DIS3L2: variants seen among roughly 807,000 people sequenced by gnomAD.
DIS3L2 encodes DIS3 like 3'-5' exoribonuclease 2.
DIS3L2 carries 34 observed loss-of-function variants against 97.5 expected under a neutral mutation model. The observed-to-expected ratio is 0.35, with a 90% CI of 0.27 to 0.46. DIS3L2 has a LOEUF of 0.46. Among genes scored for constraint, DIS3L2 ranks in the 20% least tolerant of loss-of-function variants. DIS3L2 has a pLI of 1.00. For synonymous variants in DIS3L2, 435 were observed against 445.2 expected, an observed-to-expected ratio of 0.98 and a Z score of 0.29; for missense variants, 1,038 against 1,146.0, an observed-to-expected ratio of 0.91 and a Z score of 1.36.
intron 5 of DIS3L2, among the ~76,000 whole-genome samples, chr2:232,054,060 A>G (rs72989625): frequency 0.011 from 1,714 of 152,332 alleles, 18 homozygotes; most frequent in Non-Finnish European, 0.016. Flanking sequence ...CAATAACAAA[A>G]GATGCTCCTC....
intron 12 of DIS3L2, among the ~76,000 whole-genome samples, chr2:232,252,926 C>A (rs936226784): frequency 6.6e-6 from 1 of 152,098 alleles, no homozygotes; most frequent in African/African-American, 2.4e-5. Context: ...CATAATGAGA[C>A]CTTGTGTGGA....
intron 13 of DIS3L2, among the ~76,000 whole-genome samples, chr2:232,271,242 G>A (rs911544090): frequency 2.0e-5 from 3 of 152,176 alleles, no homozygotes; most frequent in African/African-American, 7.2e-5. Flanking sequence ...AACCCATTGT[G>A]TTTGAAGTGG....
Position 232,333,991 on chromosome 2 carries a change from AG to A in DIS3L2, c.2158+8del. The A allele has an allele frequency of 6.3e-7, 1 of 1,579,940 alleles. No individual in the cohort carries two copies. The highest frequency in any genetic ancestry group is 8.6e-7 in the Non-Finnish European group (1 of 1,160,512). On this transcript the variant is annotated splice_donor_5th_base_variant and intron_variant, in intron 17 of 20. Coordinates refer to ENST00000325385, the MANE Select transcript of DIS3L2 (RefSeq NM_152383.5). ...CGCCTCCTGGCTGCCGCGTTAGGTG[AG>A]GGGTGCAGTCGGGGTCAGGGCAGAC...
chr2:232,100,473 A>G (rs188334374), intron 6 of DIS3L2, among the ~76,000 whole-genome samples: 6 of 151,870 alleles, frequency 4.0e-5, no homozygotes, highest in Non-Finnish European at 8.8e-5. Flanking sequence ...TAGCTTATTA[A>G]TTTTAACTTT....
chr2:232,161,965 G>C (rs1381262606), intron 8 of DIS3L2, among the ~76,000 whole-genome samples: 1 of 151,948 alleles, frequency 6.6e-6, no homozygotes, highest in Non-Finnish European at 1.5e-5. Context: ...TAGAGACGGG[G>C]TTTCACCATG....
intron 6 of DIS3L2, among the ~76,000 whole-genome samples, chr2:232,111,685 C>T (rs993586512): frequency 1.3e-5 from 2 of 152,070 alleles, no homozygotes; most frequent in Non-Finnish European, 2.9e-5. Flanking sequence ...GGTTAGTGGT[C>T]ACTTTATGAG....
rs112787903 is a variant in DIS3L2 at position 232,128,528 on chromosome 2, C to T, written c.602-2091C>T. On this transcript the variant is annotated intron_variant, in intron 6 of 20. Transcript: ENST00000325385. The stretch of plus-strand genomic sequence containing the variant: ...GGAGTGCAGTGGTGCAATCTTGGCT[C>T]ACTGCAGCCTTGAATTCCCAGGCTC... Among the ~76,000 whole-genome samples, 21 of 127,916 alleles carry T rather than the reference C, an allele frequency of 1.6e-4. 2 individuals carry two copies. The highest frequency in any genetic ancestry group is 6.2e-4 in the African/African-American group (21 of 34,062). The allele number at this position is 127,916 out of a possible 152,430, so 83.9% of individuals were successfully genotyped here.
intron 1 of DIS3L2, among the ~76,000 whole-genome samples, chr2:231,966,046 T>C (rs1175406559): frequency 2.0e-5 from 3 of 152,200 alleles, no homozygotes; most frequent in African/African-American, 7.2e-5. Context: ...TGAAATGCTA[T>C]TGAGCATGAG....
intron 16 of DIS3L2, among the ~76,000 whole-genome samples, chr2:232,332,596 C>T (rs975679369): frequency 4.6e-5 from 7 of 151,804 alleles, no homozygotes; most frequent in African/African-American, 1.7e-4. Flanking sequence ...CCAGCTGGGA[C>T]GGGCTATGCG....
At chr2:231,985,284 CTA>C (rs1454404677) in intron 1 of DIS3L2, among the ~76,000 whole-genome samples, 1 of 152,202 alleles carries the variant, frequency 6.6e-6, no homozygotes, top group Non-Finnish European at 1.5e-5. Context: ...GCACTAAACT[CTA>C]TAATTTTGTC....
At chr2:232,053,793 C>G (rs992187245) in intron 5 of DIS3L2, among the ~76,000 whole-genome samples, 1 of 152,210 alleles carries the variant, frequency 6.6e-6, no homozygotes, top group African/African-American at 2.4e-5. Context: ...CCTACCAGCA[C>G]CTCTCTGTGT....
At chr2:231,976,703 C>T (rs1003947193) in intron 1 of DIS3L2, among the ~76,000 whole-genome samples, 1 of 151,040 alleles carries the variant, frequency 6.6e-6, no homozygotes, top group Non-Finnish European at 1.5e-5. Context: ...CTTAGCTTAC[C>T]TTAAATGTGT....
intron 9 of DIS3L2, among the ~76,000 whole-genome samples, chr2:232,171,441 C>T (rs1187124199): frequency 6.6e-6 from 1 of 152,140 alleles, no homozygotes; most frequent in East Asian, 1.9e-4. Flanking sequence ...CTGTCTCATT[C>T]TTGGATTTGA....
intron 7 of DIS3L2, 197 bp downstream of exon 7, chr2:232,130,916 G>C (rs1698199770): frequency 1.3e-6 from 1 of 749,470 alleles, no homozygotes; most frequent in Non-Finnish European, 2.0e-6. Flanking sequence ...CTTTGGATAA[G>C]GGGTCAAGGC....
rs1017832202 is a variant in DIS3L2 at position 232,101,535 on chromosome 2, T to C, written c.601+13814T>C. Among the ~76,000 whole-genome samples the C allele has an allele frequency of 4.4e-4, 67 of 152,258 alleles. 1 individual carries two copies. Among genetic ancestry groups the C allele is most frequent in the Non-Finnish European group, 1.6e-4 (11 of 68,040 alleles). On this transcript the variant is annotated intron_variant, in intron 6 of 20. Transcript: ENST00000325385. ...AATTAATTCTCATTACATTAGTTAA[T>C]CCTTAGAACATACCTAGTATAGTGT...
chr2:232,019,672 G>C (rs146015137), intron 3 of DIS3L2, among the ~76,000 whole-genome samples: 254 of 151,808 alleles, frequency 1.7e-3, no homozygotes, highest in African/African-American at 5.6e-3. Context: ...AGAAGGGAGA[G>C]ATGATATTCA....
chr2:232,161,718 G>A (rs185828956), intron 8 of DIS3L2, among the ~76,000 whole-genome samples: 74 of 151,960 alleles, frequency 4.9e-4, no homozygotes, highest in Non-Finnish European at 8.4e-4. Context: ...TGATCCACCC[G>A]CCTTGGCCTC....
At chr2:232,143,565 G>A (rs1314997184) in intron 8 of DIS3L2, among the ~76,000 whole-genome samples, 1 of 151,864 alleles carries the variant, frequency 6.6e-6, no homozygotes, top group African/African-American at 2.4e-5. Flanking sequence ...ATTCAAATGT[G>A]TACTATTGAA....
At chr2:232,058,038 G>A (rs1188008676) in intron 5 of DIS3L2, among the ~76,000 whole-genome samples, 1 of 152,144 alleles carries the variant, frequency 6.6e-6, no homozygotes, top group Non-Finnish European at 1.5e-5. Context: ...TAATCAAATA[G>A]TTATGTTGTA....
Sources: allele counts gnomAD v4.1 joint callset (sites outside exome capture counted in the v4.1 genomes callset), GRCh38; gene constraint gnomAD v4.1.1; transcripts MANE v1.5; gene names NCBI Gene and HGNC (gene_info 2026-07-23, HGNC 2026-07-21).